NRG1: variants seen among roughly 807,000 people sequenced by gnomAD.
NRG1 encodes pro-neuregulin-1, membrane-bound isoform.
In NRG1, 18 loss-of-function variants were observed where a neutral mutation model predicts 63.8. The ratio of observed to expected loss-of-function variants is 0.28; its 90% CI spans 0.19 to 0.42. NRG1 has a LOEUF of 0.42. NRG1 is among the 10% of genes least tolerant of loss of function. The probability of loss-of-function intolerance (pLI) is 1.00; values close to 1 mark genes in which losing one functional copy is unlikely to be tolerated. For missense variants in NRG1, 762 were observed against 814.7 expected, an observed-to-expected ratio of 0.94 and a Z score of 0.79; for synonymous variants, 302 against 301.3, an observed-to-expected ratio of 1.00 and a Z score of -0.02.
At chr8:32,751,247 G>A (rs1828665849) in intron 7 of NRG1, 4 of 152,178 alleles carry the variant, frequency 2.6e-5, no homozygotes, top group Non-Finnish European at 5.9e-5. Flanking sequence ...AGACCTTAAA[G>A]GTCAAGTACA....
intron 1 of NRG1, among the ~76,000 whole-genome samples, chr8:32,091,780 G>A (rs1477827475): frequency 5.3e-5 from 8 of 152,164 alleles, no homozygotes; most frequent in Non-Finnish European, 1.2e-4. Flanking sequence ...ACATTTAGAG[G>A]TGAGAATGTG....
chr8:32,406,261 G>A (rs903647174), intron 1 of NRG1, among the ~76,000 whole-genome samples: 20 of 152,160 alleles, frequency 1.3e-4, no homozygotes, highest in African/African-American at 4.3e-4. Flanking sequence ...ATGGTCAGGG[G>A]CACGGTCTCG....
intron 1 of NRG1, among the ~76,000 whole-genome samples, chr8:31,728,349 A>G (rs542113171): frequency 5.9e-5 from 9 of 152,284 alleles, no homozygotes; most frequent in Admixed American, 2.6e-4. Flanking sequence ...CTGTAGTCCC[A>G]GCTATTTGGG....
intron 1 of NRG1, among the ~76,000 whole-genome samples, chr8:32,252,308 C>A: frequency 6.6e-6 from 1 of 152,024 alleles, no homozygotes; most frequent in East Asian, 1.9e-4. Context: ...CAGTTTTCTT[C>A]CAGAGTTTTA....
intron 1 of NRG1, among the ~76,000 whole-genome samples, chr8:32,110,922 G>A (rs561977466): frequency 6.6e-6 from 1 of 152,256 alleles, no homozygotes; most frequent in South Asian, 2.1e-4. Context: ...TTACCTCAAG[G>A]TGATTCTTAT....
At chr8:32,266,124 A>G (rs1160052835) in intron 1 of NRG1, among the ~76,000 whole-genome samples, 1 of 152,210 alleles carries the variant, frequency 6.6e-6, no homozygotes, top group East Asian at 1.9e-4. Context: ...CTTCTGTGTC[A>G]GTCTGTGACC....
intron 1 of NRG1, among the ~76,000 whole-genome samples, chr8:31,831,694 C>A (rs1318777458): frequency 1.3e-5 from 2 of 152,194 alleles, no homozygotes; most frequent in Non-Finnish European, 2.9e-5. Flanking sequence ...AGTTTGGAAT[C>A]TTTTCCCAGT....
intron 1 of NRG1, among the ~76,000 whole-genome samples, chr8:32,209,712 C>CCCTTCCTTCCTTCCTTCCTTCCTT (rs200085311): frequency 1.5e-5 from 2 of 131,990 alleles, no homozygotes; most frequent in East Asian, 4.7e-4. Context: ...TTCTCTCTTT[C>CCCTTCCTTCCTTCCTTCCTTCCTT]CCTTCCTTCC....
rs561143904 is a variant in NRG1, at chr8:32,087,798, A to G, written c.37+448367A>G. 2.9e-4 allele frequency among the ~76,000 whole-genome samples: 44 copies of G among 152,258 alleles called. No individual in the cohort carries two copies. In the South Asian group the frequency reaches 7.5e-3, roughly 26 times the overall value. On this transcript the variant is annotated intron_variant, in intron 1 of 10. Transcript: ENST00000519301. ...TTCTTTATAGTAATGCAAATGGCCT[A>G]ACACACTTATGTAAGTGAAATCATG...
chr8:31,786,929 T>G (rs2131638921), intron 1 of NRG1, among the ~76,000 whole-genome samples: 1 of 152,224 alleles, frequency 6.6e-6, no homozygotes, highest in African/African-American at 2.4e-5. Context: ...GGTAATCAAC[T>G]TAACTTTCAG....
At chr8:32,329,184 G>T (rs1267970164) in intron 1 of NRG1, among the ~76,000 whole-genome samples, 3 of 152,182 alleles carry the variant, frequency 2.0e-5, no homozygotes, top group East Asian at 1.9e-4. Flanking sequence ...GCCCAGGCTG[G>T]TCTTGACTTC....
intron 1 of NRG1, among the ~76,000 whole-genome samples, chr8:32,444,110 G>A (rs938405536): frequency 9.1e-6 from 1 of 110,318 alleles, no homozygotes; most frequent in African/African-American, 3.7e-5. Context: ...CTTTCTTTCT[G>A]TCTGTCTGTC....
intron 1 of NRG1, among the ~76,000 whole-genome samples, chr8:31,662,918 C>T (rs1393279396): frequency 6.6e-6 from 1 of 152,168 alleles, no homozygotes; most frequent in Non-Finnish European, 1.5e-5. Context: ...ATATTTAGTC[C>T]TATGATTGAC....
intron 1 of NRG1, among the ~76,000 whole-genome samples, chr8:32,246,124 A>G (rs1848573063): frequency 6.6e-6 from 1 of 152,170 alleles, no homozygotes; most frequent in South Asian, 2.1e-4. Flanking sequence ...CTCAGTAAGA[A>G]TTTCTGATTT....
chr8:32,540,379 T>C (rs1402855760), intron 1 of NRG1, among the ~76,000 whole-genome samples: 1 of 152,210 alleles, frequency 6.6e-6, no homozygotes, highest in African/African-American at 2.4e-5. Flanking sequence ...GCACTCTGCT[T>C]ATTATTATGA....
At position 32,061,480 on chromosome 8, in the gene NRG1, A is replaced by G. The variant is rs115324156; in HGVS notation, c.37+422049A>G. Among the ~76,000 whole-genome samples the G allele has an allele frequency of 7.3e-3, 1,103 of 152,116 alleles. 15 individuals are homozygous for G. The highest frequency in any genetic ancestry group is 0.025 in the African/African-American group (1,050 of 41,524). ...CATTTTTTCCCAAGATGCTACAACA[A>G]TACCAGACAATTCCAGATATTCCCG... On this transcript the variant is annotated intron_variant, in intron 1 of 10. Coordinates refer to the NRG1 transcript ENST00000519301.
chr8:32,035,688 G>A (rs1369532750), intron 1 of NRG1, among the ~76,000 whole-genome samples: 3 of 152,080 alleles, frequency 2.0e-5, no homozygotes, highest in African/African-American at 7.2e-5. Flanking sequence ...ATTATGTAAT[G>A]CCTGCCCTTA....
At chr8:32,181,929 G>A (rs1841471791) in intron 1 of NRG1, among the ~76,000 whole-genome samples, 1 of 152,046 alleles carries the variant, frequency 6.6e-6, no homozygotes, top group Non-Finnish European at 1.5e-5. Context: ...TTAACTAACA[G>A]TAAAAAAAAT....
intron 1 of NRG1, among the ~76,000 whole-genome samples, chr8:31,983,648 C>A (rs1027331993): frequency 4.6e-5 from 7 of 151,990 alleles, no homozygotes; most frequent in Non-Finnish European, 8.8e-5. Flanking sequence ...CTATACTGGG[C>A]TGACAAAGGT....
Sources: gnomAD v4.1 joint callset for allele counts (sites outside exome capture counted in the v4.1 genomes callset) on GRCh38, gnomAD v4.1.1 for gene constraint, MANE v1.5 for transcripts, NCBI Gene and HGNC (gene_info 2026-07-23, HGNC 2026-07-21) for gene names.